The following PEX14 variants were observed in gnomAD, a reference collection of about 807,000 sequenced individuals.
PEX14 encodes peroxisomal biogenesis factor 14.
Under a neutral mutation model 49.5 loss-of-function variants are expected in PEX14, and 15 were observed. The ratio of observed to expected loss-of-function variants is 0.30; its 90% confidence interval spans 0.20 to 0.47. PEX14 has a LOEUF of 0.47. Ranked by LOEUF, PEX14 falls within the 20% of genes least tolerant of loss-of-function variation. PEX14 has a pLI of 1.00. For synonymous variants in PEX14, 210 were observed against 212.7 expected, an observed-to-expected ratio of 0.99 and a Z score of 0.11; for missense variants, 398 against 494.8, an observed-to-expected ratio of 0.80 and a Z score of 1.86.
rs188795005 is a variant in PEX14 at position 10,604,862 on chromosome 1, G to A, written c.298+5496G>A. Among the ~76,000 whole-genome samples the A allele has an allele frequency of 5.4e-3, 819 of 152,274 alleles. 5 individuals are homozygous for A. The highest frequency in any genetic ancestry group is 0.019 in the African/African-American group (784 of 41,546). On this transcript the variant is annotated intron_variant, in intron 4 of 8. Transcript: ENST00000356607. ...TCAGCAGGTGCCATGAGGTTAGTTA[G>A]GGGAGACATGGGTGGGGGGGCATCA... is the stretch of plus-strand genomic sequence containing the variant.
At chr1:10,554,408 CT>C (rs1232283243) in intron 3 of PEX14, among the ~76,000 whole-genome samples, 2 of 152,044 alleles carry the variant, frequency 1.3e-5, no homozygotes, top group African/African-American at 4.8e-5. Flanking sequence ...AGGACATTAA[CT>C]GACTTGCTGG....
intron 3 of PEX14, among the ~76,000 whole-genome samples, chr1:10,591,838 C>T (rs1346834885): frequency 2.0e-5 from 3 of 152,172 alleles, no homozygotes; most frequent in African/African-American, 4.8e-5. Context: ...CCATGCTCCC[C>T]GCCCCCTGCC....
In PEX14 at chr1:10,610,433, C is replaced by G. The variant is rs115813104; in HGVS notation, c.299-7899C>G. Among the ~76,000 whole-genome samples, 594 of 150,138 alleles carry G rather than the reference C, an allele frequency of 4.0e-3. 8 individuals are homozygous for G. Among genetic ancestry groups the G allele is most frequent in the African/African-American group, 0.014 (577 of 40,968 alleles). On this transcript the variant is annotated intron_variant, in intron 4 of 8. Coordinates refer to ENST00000356607, the MANE Select transcript of PEX14 (RefSeq NM_004565.3). ...TACACAGAGAGAGAGAGATATCATT[C>G]TTTTTCATTACTGAGTTGTATTCCA...
intron 3 of PEX14, among the ~76,000 whole-genome samples, chr1:10,582,542 A>G (rs1640350677): frequency 6.6e-6 from 1 of 152,126 alleles, no homozygotes; most frequent in African/African-American, 2.4e-5. Flanking sequence ...TGGTGATGGA[A>G]GAGATAACCC....
chr1:10,586,587 A>G (rs1284675999), intron 3 of PEX14, among the ~76,000 whole-genome samples: 1 of 144,518 alleles, frequency 6.9e-6, no homozygotes, highest in African/African-American at 2.5e-5. Flanking sequence ...AACAACAAGG[A>G]TGACTCGCAA....
intron 2 of PEX14, among the ~76,000 whole-genome samples, chr1:10,508,140 A>C (rs997511362): frequency 6.6e-6 from 1 of 152,082 alleles, no homozygotes; most frequent in Non-Finnish European, 1.5e-5. Context: ...TTTCTCTTCA[A>C]TTCTAAATGA....
intron 3 of PEX14, 40 bp downstream of exon 3, chr1:10,536,337 G>A (rs568057357): frequency 1.6e-6 from 2 of 1,213,746 alleles, no homozygotes; most frequent in Non-Finnish European, 2.5e-6. Flanking sequence ...GCCTACAGGG[G>A]GACTGGGGCT....
intron 5 of PEX14, 80 bp downstream of exon 5, chr1:10,618,497 A>G (rs975967601): frequency 1.8e-6 from 2 of 1,082,328 alleles, no homozygotes; most frequent in Non-Finnish European, 2.8e-6. Flanking sequence ...GTTCCCCTGC[A>G]TGGAGGCACT....
At chr1:10,606,907 C>G (rs1245394969) in intron 4 of PEX14, among the ~76,000 whole-genome samples, 2 of 152,092 alleles carry the variant, frequency 1.3e-5, no homozygotes, top group Admixed American at 1.3e-4. Flanking sequence ...AAAATACACC[C>G]ATTTTAATTG....
intron 2 of PEX14, among the ~76,000 whole-genome samples, chr1:10,527,509 CTG>C (rs1315715588): frequency 1.3e-4 from 17 of 132,176 alleles, no homozygotes; most frequent in African/African-American, 4.3e-4. Context: ...GAGCGAGACT[CTG>C]TCTCAAAAAA....
In PEX14 at chr1:10,617,872, T is replaced by A. The variant is rs531646308; in HGVS notation, c.299-460T>A. 1.3e-3 allele frequency among the ~76,000 whole-genome samples: 198 copies of A among 151,424 alleles called. 1 individual carries two copies. Among genetic ancestry groups the A allele is most frequent in the African/African-American group, 4.6e-3 (191 of 41,324 alleles). On this transcript the variant is annotated intron_variant, in intron 4 of 8. Transcript: ENST00000356607. Reference sequence around the variant, plus strand: ...CACCCAGCGTACCACGGTCCCCCTCTCCACTTCGCTGAGGCCCCGCTTGGT... The same window carrying A: ...CACCCAGCGTACCACGGTCCCCCTCACCACTTCGCTGAGGCCCCGCTTGGT...
At chr1:10,594,740 G>A (rs886455832) in intron 3 of PEX14, among the ~76,000 whole-genome samples, 4 of 152,142 alleles carry the variant, frequency 2.6e-5, no homozygotes, top group East Asian at 3.8e-4. Context: ...ACCCTTGCAC[G>A]GCCTGTCCCG....
At chr1:10,575,414 A>G (rs1172370541) in intron 3 of PEX14, among the ~76,000 whole-genome samples, 2 of 152,206 alleles carry the variant, frequency 1.3e-5, no homozygotes, top group African/African-American at 4.8e-5. Context: ...AATAAATGGC[A>G]TTTTGTACAC....
chr1:10,626,267 T>G (rs1331685683), intron 7 of PEX14, among the ~76,000 whole-genome samples: 1 of 152,154 alleles, frequency 6.6e-6, no homozygotes, highest in African/African-American at 2.4e-5. Flanking sequence ...AATTGTGCCC[T>G]TGTTCATGGG....
intron 3 of PEX14, among the ~76,000 whole-genome samples, chr1:10,564,114 G>A (rs1010062278): frequency 2.0e-5 from 3 of 151,932 alleles, no homozygotes; most frequent in Non-Finnish European, 2.9e-5. Flanking sequence ...GTTATCCTAT[G>A]TAACATAGAA....
chr1:10,520,330 T>TA (rs1327815304), intron 2 of PEX14, among the ~76,000 whole-genome samples: 2 of 151,906 alleles, frequency 1.3e-5, no homozygotes, highest in Non-Finnish European at 2.9e-5. Flanking sequence ...AGCTAATTTT[T>TA]AAATTTTTTG....
intron 4 of PEX14, 74 bp from the exon 5 acceptor site, chr1:10,618,258 G>A: frequency 3.5e-6 from 4 of 1,127,828 alleles, no homozygotes; most frequent in Admixed American, 1.7e-5. Context: ...TGCCACTGAG[G>A]CACCTGTGCC....
At chr1:10,607,138 A>G (rs992163142) in intron 4 of PEX14, among the ~76,000 whole-genome samples, 1 of 151,940 alleles carries the variant, frequency 6.6e-6, no homozygotes, top group Non-Finnish European at 1.5e-5. Flanking sequence ...ATCATACAGT[A>G]TTGTACTCTC....
At chr1:10,523,727 G>C (rs567200911) in intron 2 of PEX14, among the ~76,000 whole-genome samples, 1 of 151,586 alleles carries the variant, frequency 6.6e-6, no homozygotes, top group African/African-American at 2.4e-5. Context: ...GTTTGTGGCA[G>C]CGTTTGGCTG....
Sources: gnomAD v4.1 joint callset for allele counts (sites outside exome capture counted in the v4.1 genomes callset) on GRCh38, gnomAD v4.1.1 for gene constraint, MANE v1.5 for transcripts, NCBI Gene and HGNC (gene_info 2026-07-23, HGNC 2026-07-21) for gene names.